The following ZNF423 variants were observed in gnomAD, a reference collection of about 807,000 sequenced individuals.
ZNF423 encodes the protein Ebf-associated zinc finger protein.
Under a neutral mutation model 95.8 loss-of-function variants are expected in ZNF423, and 12 were observed. The observed-to-expected ratio is 0.13, with a 90% confidence interval of 0.08 to 0.20. ZNF423 has a LOEUF of 0.20. Among genes scored for constraint, ZNF423 ranks in the 10% least tolerant of loss-of-function variants. The pLI, the probability that ZNF423 is intolerant of heterozygous loss-of-function variation, is 1.00. For missense variants in ZNF423, 1,316 were observed against 1,737.1 expected (o/e 0.76, Z 4.31); for synonymous variants, 749 against 711.9 (o/e 1.05, Z -0.83).
intron 3 of ZNF423, among the ~76,000 whole-genome samples, chr16:49,713,800 C>T (rs1231637058): frequency 1.3e-5 from 2 of 152,258 alleles, no homozygotes; most frequent in South Asian, 2.1e-4. Context: ...AGATGCCATC[C>T]GTGAGACTGG....
chr16:49,573,905 T>G (rs2151790952), intron 5 of ZNF423, among the ~76,000 whole-genome samples: 1 of 152,304 alleles, frequency 6.6e-6, no homozygotes, highest in South Asian at 2.1e-4. Context: ...GGAATAGGAC[T>G]AGATCAGGGA....
intron 3 of ZNF423, among the ~76,000 whole-genome samples, chr16:49,709,890 T>C (rs2032489724): frequency 6.6e-6 from 1 of 152,170 alleles, no homozygotes; most frequent in Non-Finnish European, 1.5e-5. Context: ...TTCTGTTGCA[T>C]GTAAATCACA....
intron 4 of ZNF423, among the ~76,000 whole-genome samples, chr16:49,631,111 G>A (rs963376577): frequency 1.1e-4 from 16 of 152,076 alleles, no homozygotes; most frequent in African/African-American, 3.4e-4. Flanking sequence ...AGGCCACACA[G>A]ATGGGCATGT....
intron 2 of ZNF423, among the ~76,000 whole-genome samples, chr16:49,783,702 A>T (rs2034258583): frequency 1.3e-5 from 2 of 151,888 alleles, no homozygotes. Context: ...CGTTGGTAGG[A>T]GGGAGGTCAA....
chr16:49,549,335 C>CG (rs1389087562), intron 5 of ZNF423, among the ~76,000 whole-genome samples: 2 of 151,694 alleles, frequency 1.3e-5, no homozygotes, highest in African/African-American at 4.9e-5. Context: ...CCTGCCTGCA[C>CG]CCCCCAGAGC....
At chr16:49,589,232 C>T (rs2151813838) in intron 5 of ZNF423, among the ~76,000 whole-genome samples, 1 of 152,304 alleles carries the variant, frequency 6.6e-6, no homozygotes, top group African/African-American at 2.4e-5. Context: ...TGCCCTTGTC[C>T]AAGCTTTCCC....
chr16:49,854,707 G>A (rs2035339450), intron 1 of ZNF423: 1 of 985,464 alleles, frequency 1.0e-6, no homozygotes, highest in Non-Finnish European at 1.2e-6. Flanking sequence ...GGGAGAGGAG[G>A]CCAGGGGAGG....
chr16:49,631,334 G>T (rs1019694538), intron 4 of ZNF423, among the ~76,000 whole-genome samples: 3 of 152,062 alleles, frequency 2.0e-5, no homozygotes, highest in Non-Finnish European at 1.5e-5. Context: ...TACACACACA[G>T]GCTCACCAGC....
chr16:49,612,814 G>A (rs1228935503), intron 5 of ZNF423, among the ~76,000 whole-genome samples: 1 of 152,106 alleles, frequency 6.6e-6, no homozygotes, highest in African/African-American at 2.4e-5. Context: ...CTACAACTAA[G>A]TTGAGCAAAG....
At chr16:49,801,396 C>A (rs545920607) in intron 1 of ZNF423, among the ~76,000 whole-genome samples, 1 of 152,338 alleles carries the variant, frequency 6.6e-6, no homozygotes, top group East Asian at 1.9e-4. Flanking sequence ...AGAGAAATAG[C>A]TCACCTGGGG....
intron 3 of ZNF423, among the ~76,000 whole-genome samples, chr16:49,725,958 C>T (rs1296075979): frequency 8.5e-5 from 13 of 152,184 alleles, no homozygotes; most frequent in Non-Finnish European, 1.3e-4. Flanking sequence ...GTCCTGAAGG[C>T]GATTTCTATT....
At chr16:49,778,999 C>T (rs1026944101) in intron 2 of ZNF423, among the ~76,000 whole-genome samples, 1 of 152,134 alleles carries the variant, frequency 6.6e-6, no homozygotes, top group African/African-American at 2.4e-5. Flanking sequence ...CCATATTGAA[C>T]AGCTAATAAG....
intron 1 of ZNF423, among the ~76,000 whole-genome samples, chr16:49,802,571 G>A (rs1480318176): frequency 3.3e-5 from 5 of 152,340 alleles, no homozygotes; most frequent in African/African-American, 1.2e-4. Context: ...ATGGGACAAA[G>A]GCACAGTGTC....
In ZNF423 at chr16:49,603,484, G is replaced by A. The variant is rs1443281531; in HGVS notation, c.3601+22686C>T. Among the ~76,000 whole-genome samples, 1 of 151,990 alleles carries A rather than the reference G, an allele frequency of 6.6e-6. No individual in the cohort carries two copies. The highest frequency in any genetic ancestry group is 2.4e-5 in the African/African-American group (1 of 41,338). ...GAGTGCAGTGGTGTGATCTCAGCTT[G>A]CTGCGACCTCCGCCTCCCGGGTTCA... On this transcript the variant is annotated intron_variant, in intron 5 of 7. Coordinates refer to ENST00000563137, the MANE Select transcript of ZNF423 (RefSeq NM_001379286.1). The surrounding 1 kb of genome is among the most constrained non-coding windows in gnomAD (Gnocchi z 4.1).
At chr16:49,644,683 A>G (rs55706702) in intron 3 of ZNF423, among the ~76,000 whole-genome samples, 1 of 126,452 alleles carries the variant, frequency 7.9e-6, no homozygotes, top group Non-Finnish European at 1.7e-5. Context: ...AAAAAAAAAA[A>G]AAAAAAAAAA....
intron 3 of ZNF423, among the ~76,000 whole-genome samples, chr16:49,672,007 A>T (rs2151926558): frequency 6.6e-6 from 1 of 152,246 alleles, no homozygotes; most frequent in Non-Finnish European, 1.5e-5. Flanking sequence ...TTGCCTGTCC[A>T]CAACTCCCTA....
intron 5 of ZNF423, among the ~76,000 whole-genome samples, chr16:49,543,001 C>A (rs1024714949): frequency 1.3e-5 from 2 of 152,140 alleles, no homozygotes; most frequent in African/African-American, 2.4e-5. Flanking sequence ...CCCTTCCCAG[C>A]CTACCAGCTT....
chr16:49,707,511 G>A (rs2143073116), intron 3 of ZNF423, among the ~76,000 whole-genome samples: 1 of 151,782 alleles, frequency 6.6e-6, no homozygotes, highest in East Asian at 1.9e-4. Flanking sequence ...CAGCTACTCG[G>A]GAGGCTGAGG....
chr16:49,775,148 T>C (rs1490796202), intron 2 of ZNF423, among the ~76,000 whole-genome samples: 4 of 152,152 alleles, frequency 2.6e-5, no homozygotes, highest in East Asian at 1.9e-4. Context: ...CCAGGGTCAA[T>C]TGAAGAAGGA....
Sources: allele counts gnomAD v4.1 joint callset (sites outside exome capture counted in the v4.1 genomes callset), GRCh38; gene constraint gnomAD v4.1.1; non-coding constraint Gnocchi (gnomAD v3.1); transcripts MANE v1.5; gene names NCBI Gene and HGNC (gene_info 2026-07-23, HGNC 2026-07-21).